The following TRPM3 variants were observed in gnomAD, a reference collection of about 807,000 sequenced individuals.
TRPM3 encodes the protein long transient receptor potential channel 3.
In TRPM3, 77 loss-of-function variants were observed where a neutral mutation model predicts 181.2. The ratio of observed to expected loss-of-function variants is 0.42; its 90% CI spans 0.35 to 0.51. The LOEUF is 0.51. Among genes scored for constraint, TRPM3 ranks in the 20% least tolerant of loss-of-function variants. The pLI, the probability that TRPM3 is intolerant of heterozygous loss-of-function variation, is 0.01. For missense variants in TRPM3, 1,759 were observed against 2,196.7 expected, an observed-to-expected ratio of 0.80 and a Z score of 3.98; for synonymous variants, 745 against 796.4, an observed-to-expected ratio of 0.94 and a Z score of 1.09.
chr9:71,198,553 A>C (rs889448932), intron 1 of TRPM3, among the ~76,000 whole-genome samples: 3 of 152,048 alleles, frequency 2.0e-5, no homozygotes, highest in Non-Finnish European at 4.4e-5. Flanking sequence ...TTCATTGAGC[A>C]GTAGTTTGTA....
intron 9 of TRPM3, among the ~76,000 whole-genome samples, chr9:70,679,047 CT>C (rs1382947995): frequency 6.6e-6 from 1 of 152,144 alleles, no homozygotes; most frequent in African/African-American, 2.4e-5. Flanking sequence ...ATGTTAATTT[CT>C]TAGAGCAATC....
intron 8 of TRPM3, among the ~76,000 whole-genome samples, chr9:70,739,335 G>T (rs191087315): frequency 6.6e-6 from 1 of 152,220 alleles, no homozygotes; most frequent in Non-Finnish European, 1.5e-5. Flanking sequence ...TATGCAAGTC[G>T]ATAAATGTGA....
intron 9 of TRPM3, among the ~76,000 whole-genome samples, chr9:70,674,666 C>T (rs984157478): frequency 6.6e-6 from 1 of 151,296 alleles, no homozygotes; most frequent in African/African-American, 2.4e-5. Context: ...CTCAAGCAAT[C>T]CTCTCACCTC....
chr9:70,944,109 T>C (rs1268468250), intron 1 of TRPM3, among the ~76,000 whole-genome samples: 1 of 152,116 alleles, frequency 6.6e-6, no homozygotes, highest in Non-Finnish European at 1.5e-5. Context: ...ACAAGAAAAC[T>C]CCATAGGGTT....
chr9:70,561,200 G>T (rs996561447), intron 22 of TRPM3, among the ~76,000 whole-genome samples: 11 of 152,134 alleles, frequency 7.2e-5, no homozygotes, highest in Admixed American at 7.2e-4. Context: ...ATCTTGAAAA[G>T]ATAACGAGAC....
chr9:70,830,271 C>G (rs1021721104), intron 5 of TRPM3, among the ~76,000 whole-genome samples: 14 of 152,078 alleles, frequency 9.2e-5, no homozygotes, highest in African/African-American at 3.4e-4. Flanking sequence ...AATTCTCAGC[C>G]AAGCTGATGT....
chr9:70,969,937 C>A (rs904853076), intron 1 of TRPM3, among the ~76,000 whole-genome samples: 3 of 151,772 alleles, frequency 2.0e-5, no homozygotes, highest in Admixed American at 6.6e-5. Context: ...GATTTGAAAC[C>A]AGGTCTATAG....
At chr9:70,664,097 A>G (rs1201018802) in intron 9 of TRPM3, among the ~76,000 whole-genome samples, 1 of 152,246 alleles carries the variant, frequency 6.6e-6, no homozygotes, top group Non-Finnish European at 1.5e-5. Flanking sequence ...TACCAAATTA[A>G]TAAGTTAATA....
intron 1 of TRPM3, among the ~76,000 whole-genome samples, chr9:70,885,304 T>G (rs892215815): frequency 6.6e-6 from 1 of 152,194 alleles, no homozygotes; most frequent in African/African-American, 2.4e-5. Flanking sequence ...CTGTGGCCTG[T>G]ATTCACTAGA....
At chr9:70,640,535 T>C in intron 10 of TRPM3, 25 bp downstream of exon 10, 1 of 1,602,432 alleles carries the variant, frequency 6.2e-7, no homozygotes, top group South Asian at 1.1e-5. Flanking sequence ...AGTGGGCTTT[T>C]CATGGGAGAC....
At chr9:71,111,242 T>C (rs2071007059) in intron 1 of TRPM3, among the ~76,000 whole-genome samples, 2 of 152,204 alleles carry the variant, frequency 1.3e-5, no homozygotes, top group Admixed American at 6.5e-5. Flanking sequence ...AAATTTCAAT[T>C]TCTTGTAAAA....
intron 1 of TRPM3, among the ~76,000 whole-genome samples, chr9:70,948,250 A>G (rs1272177326): frequency 6.7e-6 from 1 of 149,000 alleles, no homozygotes. Flanking sequence ...ACTTGAAAGA[A>G]GCTTCTTCCT....
At chr9:70,999,790 G>A (rs1313232663) in intron 1 of TRPM3, among the ~76,000 whole-genome samples, 2 of 152,016 alleles carry the variant, frequency 1.3e-5, no homozygotes, top group Non-Finnish European at 2.9e-5. Flanking sequence ...GCTCTTTCTG[G>A]GCAGTCCTCC....
chr9:71,109,068 G>A (rs1244499932), intron 1 of TRPM3, among the ~76,000 whole-genome samples: 1 of 138,182 alleles, frequency 7.2e-6, no homozygotes, highest in East Asian at 2.1e-4. Context: ...AATGCCAGCA[G>A]ACTGTCTTCA....
At chr9:70,814,400 T>A (rs2092472480) in intron 6 of TRPM3, among the ~76,000 whole-genome samples, 1 of 152,168 alleles carries the variant, frequency 6.6e-6, no homozygotes, top group Admixed American at 6.5e-5. Context: ...ATGATATGGA[T>A]GTAAACATGG....
intron 6 of TRPM3, among the ~76,000 whole-genome samples, chr9:70,795,883 A>C (rs1221487427): frequency 6.6e-6 from 1 of 152,246 alleles, no homozygotes; most frequent in Non-Finnish European, 1.5e-5. Flanking sequence ...TCCTCTGAAT[A>C]ATTTCAATAG....
At chr9:71,110,406 G>A (rs980762759) in intron 1 of TRPM3, among the ~76,000 whole-genome samples, 2 of 152,160 alleles carry the variant, frequency 1.3e-5, no homozygotes, top group African/African-American at 2.4e-5. Flanking sequence ...AAATTTCGTT[G>A]TTCATAAATA....
At chr9:70,914,979 G>T (rs1932924) in intron 1 of TRPM3, among the ~76,000 whole-genome samples, 3 of 151,944 alleles carry the variant, frequency 2.0e-5, no homozygotes, top group Non-Finnish European at 4.4e-5. Context: ...TTCCCAAAAA[G>T]GATGGGTACA....
intron 5 of TRPM3, among the ~76,000 whole-genome samples, chr9:70,841,280 T>C (rs2094607468): frequency 6.6e-6 from 1 of 152,052 alleles, no homozygotes; most frequent in Non-Finnish European, 1.5e-5. Flanking sequence ...CTTAGGAAAT[T>C]GTTGCTGAGA....
Sources: allele counts gnomAD v4.1 joint callset (sites outside exome capture counted in the v4.1 genomes callset), GRCh38; gene constraint gnomAD v4.1.1; transcripts MANE v1.5; gene names NCBI Gene and HGNC (gene_info 2026-07-23, HGNC 2026-07-21).